Variants in SH3BGRL observed in about 807,000 individuals in gnomAD.
SH3BGRL encodes the protein adapter SH3BGRL.
SH3BGRL carries 7 observed loss-of-function variants against 9.8 expected under a neutral mutation model. That is an observed-to-expected ratio of 0.72 (90% CI 0.41 to 1.35). The LOEUF (loss-of-function observed/expected upper bound fraction) is 1.35. SH3BGRL is among the 40% of genes most tolerant of loss of function. The probability of loss-of-function intolerance (pLI) is 0.01; values close to 1 mark genes in which losing one functional copy is unlikely to be tolerated. For missense variants in SH3BGRL, 73 were observed against 84.4 expected (o/e 0.86, Z 0.53); for synonymous variants, 36 against 29.1 (o/e 1.24, Z -0.76).
intron 1 of SH3BGRL, among the ~76,000 whole-genome samples, chrX:81,267,658 C>T (rs1224372672): frequency 9.0e-6 from 1 of 111,407 alleles, no homozygotes; most frequent in African/African-American, 3.3e-5. Context: ...GGATATTGGC[C>T]TAAAATTCTC....
intron 1 of SH3BGRL, among the ~76,000 whole-genome samples, chrX:81,248,427 A>G (rs1385943831): frequency 1.8e-5 from 2 of 112,318 alleles, no homozygotes; most frequent in Non-Finnish European, 3.8e-5. Context: ...CACACAGACT[A>G]GTTCCAGGTC....
chrX:81,273,959 G>T (rs895040854), intron 1 of SH3BGRL, among the ~76,000 whole-genome samples: 1 of 111,635 alleles, frequency 9.0e-6, no homozygotes, highest in African/African-American at 3.3e-5. Context: ...CATGTGGACA[G>T]AAATGACTTG....
At chrX:81,276,592 C>T (rs952648224) in intron 1 of SH3BGRL, among the ~76,000 whole-genome samples, 13 of 110,960 alleles carry the variant, frequency 1.2e-4, no homozygotes, top group Admixed American at 4.8e-4. Context: ...GGGAAGCAGA[C>T]GCATCATTTG....
At chrX:81,225,669 G>A (rs1209801383) in intron 1 of SH3BGRL, among the ~76,000 whole-genome samples, 1 of 110,970 alleles carries the variant, frequency 9.0e-6, no homozygotes, top group Admixed American at 9.6e-5. Flanking sequence ...TGATGGACAC[G>A]GGTTGATTCT....
chrX:81,246,548 A>G (rs1265414684), intron 1 of SH3BGRL, among the ~76,000 whole-genome samples: 2 of 111,820 alleles, frequency 1.8e-5, no homozygotes, highest in African/African-American at 6.5e-5. Flanking sequence ...TCCCAGAAAC[A>G]TTTATTGAAT....
At chrX:81,270,654 G>A (rs2075775214) in intron 1 of SH3BGRL, among the ~76,000 whole-genome samples, 2 of 112,014 alleles carry the variant, frequency 1.8e-5, no homozygotes, top group Non-Finnish European at 3.8e-5. Context: ...CCTACTGGGA[G>A]GTGTCTCCCA....
At chrX:81,279,495 C>T (rs1366892450) in intron 3 of SH3BGRL, among the ~76,000 whole-genome samples, 5 of 110,888 alleles carry the variant, frequency 4.5e-5, no homozygotes, top group East Asian at 2.9e-4. Context: ...CAGGAGACAC[C>T]CCAAATACTG....
intron 1 of SH3BGRL, 50 bp from the exon 2 acceptor site, chrX:81,276,934 T>G: frequency 9.3e-7 from 1 of 1,073,307 alleles, no homozygotes; most frequent in Non-Finnish European, 1.3e-6. Context: ...TCACAAACAT[T>G]TGACTTTTGT....
At chrX:81,255,130 C>T (rs1379613177) in intron 1 of SH3BGRL, among the ~76,000 whole-genome samples, 6 of 110,925 alleles carry the variant, frequency 5.4e-5, no homozygotes, top group African/African-American at 1.6e-4. Context: ...CCTCATGGTC[C>T]GCCCCCCTCA....
Position 81,259,108 on chromosome X carries a change from G to T in SH3BGRL, c.46-17876G>T, listed in dbSNP as rs748353625. Among the ~76,000 whole-genome samples the T allele has an allele frequency of 5.3e-5, 6 of 112,175 alleles. No homozygotes were observed. The South Asian group carries it at 2.2e-3, about 42-fold the overall frequency. On this transcript the variant is annotated intron_variant, in intron 1 of 3. Transcript: ENST00000373212. ...TTACAGTCTGTTTTTAAAAGTATCTGTTGTGAGCTGGAGAATTTAGCTACC... is the reference window on the plus strand; with the variant it reads ...TTACAGTCTGTTTTTAAAAGTATCTTTTGTGAGCTGGAGAATTTAGCTACC...
At chrX:81,231,471 G>A (rs1446351013) in intron 1 of SH3BGRL, among the ~76,000 whole-genome samples, 1 of 112,390 alleles carries the variant, frequency 8.9e-6, no homozygotes, top group Non-Finnish European at 1.9e-5. Context: ...AGAGAAGTTA[G>A]AATATCATTT....
chrX:81,241,685 G>T (rs2075670259), intron 1 of SH3BGRL, among the ~76,000 whole-genome samples: 1 of 111,978 alleles, frequency 8.9e-6, no homozygotes. Flanking sequence ...GGAGAGAAGA[G>T]TTGCAGCCCT....
At chrX:81,290,776 G>A (rs986373718) in intron 3 of SH3BGRL, among the ~76,000 whole-genome samples, 16 of 110,563 alleles carry the variant, frequency 1.4e-4, no homozygotes, top group African/African-American at 2.0e-4. Flanking sequence ...TGGATACCCC[G>A]TTTACCCAGA....
intron 1 of SH3BGRL, among the ~76,000 whole-genome samples, chrX:81,241,333 G>A (rs769104772): frequency 8.9e-6 from 1 of 112,230 alleles, no homozygotes; most frequent in Admixed American, 9.3e-5. Flanking sequence ...ACAGTCTCCG[G>A]GGTGGAAAGG....
intron 1 of SH3BGRL, among the ~76,000 whole-genome samples, chrX:81,234,228 T>G (rs1187012911): frequency 8.9e-6 from 1 of 111,798 alleles, no homozygotes; most frequent in Admixed American, 9.5e-5. Context: ...ATAGGTTGCA[T>G]CAATATAGAA....
chrX:81,218,937 A>G (rs374495461), intron 1 of SH3BGRL, among the ~76,000 whole-genome samples: 1 of 109,917 alleles, frequency 9.1e-6, no homozygotes, highest in African/African-American at 3.3e-5. Context: ...GACCTAATAA[A>G]CAAATTATGT....
At chrX:81,204,166 GTTAGAAATTTA>G (rs2075538684) in intron 1 of SH3BGRL, among the ~76,000 whole-genome samples, 1 of 111,965 alleles carries the variant, frequency 8.9e-6, no homozygotes, top group South Asian at 3.6e-4. Flanking sequence ...GTCATGAGTA[GTTAGAAATTTA>G]TTAGAAATTT....
intron 1 of SH3BGRL, among the ~76,000 whole-genome samples, chrX:81,239,418 G>A (rs901883523): frequency 3.6e-5 from 4 of 112,125 alleles, no homozygotes; most frequent in African/African-American, 1.3e-4. Context: ...TTTAATAGTG[G>A]AATTGATCAG....
intron 1 of SH3BGRL, among the ~76,000 whole-genome samples, chrX:81,224,073 A>G (rs933219933): frequency 5.4e-5 from 6 of 111,968 alleles, no homozygotes; most frequent in African/African-American, 1.6e-4. Context: ...GAAGAAAATT[A>G]CATGACATGG....
Sources: gnomAD v4.1 joint callset for allele counts (sites outside exome capture counted in the v4.1 genomes callset) on GRCh38, gnomAD v4.1.1 for gene constraint, MANE v1.5 for transcripts, NCBI Gene and HGNC (gene_info 2026-07-23, HGNC 2026-07-21) for gene names.